The following C16orf78 variants were observed in gnomAD, a reference collection of about 807,000 sequenced individuals.
C16orf78 encodes the protein chromosome 16 open reading frame 78, also known as uncharacterized protein C16orf78.
Under a neutral mutation model 27.3 loss-of-function variants are expected in C16orf78, and 19 were observed. The observed-to-expected ratio is 0.70, with a 90% CI of 0.49 to 1.02. C16orf78 has a LOEUF of 1.02. Among genes scored for constraint, C16orf78 ranks in the 50% least tolerant of loss-of-function variants. The probability of loss-of-function intolerance (pLI) is 0.00; values close to 1 mark genes in which losing one functional copy is unlikely to be tolerated. For missense variants in C16orf78, 339 were observed against 337.0 expected (o/e 1.01, Z -0.05); for synonymous variants, 130 against 116.1 (o/e 1.12, Z -0.77).
chr16:49,396,736 C>T, intron 4 of C16orf78, 58 bp downstream of exon 4: 1 of 1,561,436 alleles, frequency 6.4e-7, no homozygotes, highest in South Asian at 1.2e-5. Context: ...GCTTTGCTCA[C>T]TCTTGTCCCT....
At chr16:49,396,748 G>T in intron 4 of C16orf78, 70 bp downstream of exon 4, 1 of 1,538,576 alleles carries the variant, frequency 6.5e-7, no homozygotes, top group Non-Finnish European at 8.7e-7. Flanking sequence ...CTTGTCCCTG[G>T]CTCAAACACC....
At chr16:49,386,451 T>C (rs1965352375) in intron 3 of C16orf78, among the ~76,000 whole-genome samples, 4 of 151,342 alleles carry the variant, frequency 2.6e-5, no homozygotes, top group Non-Finnish European at 4.4e-5. Flanking sequence ...CCACAAGTCA[T>C]TTTTTTTTAA....
intron 3 of C16orf78, among the ~76,000 whole-genome samples, chr16:49,390,510 A>C (rs1458193942): frequency 1.3e-5 from 2 of 152,126 alleles, no homozygotes; most frequent in Non-Finnish European, 2.9e-5. Context: ...TGTTAATCCC[A>C]TCCAATATAA....
Position 49,392,043 on chromosome 16 carries a change from C to A in C16orf78, c.395-4380C>A, listed in dbSNP as rs141534201. On this transcript the variant is annotated intron_variant, in intron 3 of 4. Coordinates refer to ENST00000299191, the MANE Select transcript of C16orf78 (RefSeq NM_144602.4). The stretch of plus-strand genomic sequence containing the variant: ...ACACCTTGGGCAGGTCACACCCACA[C>A]CTCAGGCCACTGTCTCTGCATTTAT... 5.3e-3 allele frequency among the ~76,000 whole-genome samples: 803 copies of A among 152,320 alleles called. 5 individuals are homozygous for A. The highest frequency in any genetic ancestry group is 0.01 in the Admixed American group (159 of 15,306).
chr16:49,378,574 G>T lies in C16orf78; in HGVS notation c.375G>T (p.Lys125Asn). The T allele has an allele frequency of 6.2e-7, 1 of 1,613,944 alleles. No individual in the cohort carries two copies. The highest frequency in any genetic ancestry group is 8.5e-7 in the Non-Finnish European group (1 of 1,179,938). ...GCATGGTCCCTGGCAGCTACATCAA[G>T]GATGGCCCCAAGAAATCTGGTAAGG... ...HLSMVPGSYI[K>N]DGPKKSDTDI... Residue 125 changes from lysine to asparagine, a missense_variant, in exon 3 of 5, where the codon AAG (lysine) becomes AAT (asparagine). Lys to Asn is a moderately conservative substitution (Grantham distance 94, BLOSUM62 0). Coordinates refer to ENST00000299191, the MANE Select transcript of C16orf78 (RefSeq NM_144602.4).
chr16:49,395,620 C>T (rs1965461613), intron 3 of C16orf78, among the ~76,000 whole-genome samples: 1 of 152,238 alleles, frequency 6.6e-6, no homozygotes, highest in Non-Finnish European at 1.5e-5. Flanking sequence ...ATTTGGGTCA[C>T]ATCAGACACT....
At chr16:49,392,719 G>A (rs928304559) in intron 3 of C16orf78, among the ~76,000 whole-genome samples, 2 of 152,156 alleles carry the variant, frequency 1.3e-5, no homozygotes, top group Admixed American at 6.5e-5. Flanking sequence ...TAGGTTCTAG[G>A]AGTACATGTG....
intron 3 of C16orf78, among the ~76,000 whole-genome samples, chr16:49,394,121 A>C (rs1195233219): frequency 1.2e-4 from 18 of 152,116 alleles, no homozygotes; most frequent in Admixed American, 3.3e-4. Flanking sequence ...GGTTTCATGC[A>C]AGGTTTTAAC....
chr16:49,377,594 C>T, intron 1 of C16orf78, 137 bp from the exon 2 acceptor site: 1 of 1,127,524 alleles, frequency 8.9e-7, no homozygotes, highest in Non-Finnish European at 1.2e-6. Context: ...ACAGTGACGA[C>T]AGGCCCTAGA....
Position 49,385,809 on chromosome 16 carries a change from G to T in C16orf78, c.394+7216G>T, listed in dbSNP as rs1174951326. On this transcript the variant is annotated intron_variant, in intron 3 of 4. Transcript: ENST00000299191. The stretch of plus-strand genomic sequence containing the variant: ...ATCAAGAGAGAAAAAAAGAAACAAA[G>T]AAACTACAAAGCAGTCAAAAAACAA... 2.6e-5 allele frequency among the ~76,000 whole-genome samples: 4 copies of T among 151,706 alleles called. No individual in the cohort carries two copies. In the South Asian group the frequency reaches 8.3e-4, roughly 32 times the overall value.
chr16:49,388,743 A>G (rs1567393219), intron 3 of C16orf78, among the ~76,000 whole-genome samples: 1 of 152,182 alleles, frequency 6.6e-6, no homozygotes, highest in African/African-American at 2.4e-5. Flanking sequence ...TAAACTCCTG[A>G]GCTCAAGCAA....
chr16:49,383,790 T>A (rs1437546227), intron 3 of C16orf78, among the ~76,000 whole-genome samples: 3 of 152,054 alleles, frequency 2.0e-5, no homozygotes, highest in African/African-American at 4.8e-5. Context: ...GCCATAAGTT[T>A]GAGAACAGCC....
chr16:49,387,908 T>C (rs1018778856), intron 3 of C16orf78, among the ~76,000 whole-genome samples: 2 of 152,196 alleles, frequency 1.3e-5, no homozygotes, highest in Non-Finnish European at 2.9e-5. Flanking sequence ...ATCTCCTTTG[T>C]AGTTTTTAAT....
At chr16:49,390,235 G>A (rs1398360411) in intron 3 of C16orf78, among the ~76,000 whole-genome samples, 1 of 152,140 alleles carries the variant, frequency 6.6e-6, no homozygotes. Context: ...TCTTGGGTTT[G>A]TATTTGGGGT....
chr16:49,378,197 C>T (rs966016606), intron 2 of C16orf78, among the ~76,000 whole-genome samples: 2 of 152,206 alleles, frequency 1.3e-5, no homozygotes, highest in African/African-American at 4.8e-5. Context: ...GGCAGAACCA[C>T]CCAGACCTAA....
At chr16:49,391,945 T>C (rs1254082059) in intron 3 of C16orf78, among the ~76,000 whole-genome samples, 1 of 152,152 alleles carries the variant, frequency 6.6e-6, no homozygotes, top group Non-Finnish European at 1.5e-5. Context: ...CTTATCACCC[T>C]GTCAAGGACC....
At chr16:49,374,223 T>C in intron 1 of C16orf78, 134 bp downstream of exon 1, 3 of 1,069,418 alleles carry the variant, frequency 2.8e-6, no homozygotes, top group Non-Finnish European at 4.0e-6. Context: ...TAGTGAGAAC[T>C]ACCCAAGGAC....
intron 1 of C16orf78, 152 bp from the exon 2 acceptor site, chr16:49,377,579 G>A: frequency 2.0e-6 from 2 of 1,015,262 alleles, no homozygotes; most frequent in Non-Finnish European, 2.8e-6. Context: ...TCTGGAAGCA[G>A]AGGAACAGTG....
At position 49,399,217 on chromosome 16, in the gene C16orf78, T is replaced by A. The variant is rs772101926; in HGVS notation, c.737T>A (p.Met246Lys). 12 of 1,614,052 alleles carry A rather than the reference T, an allele frequency of 7.4e-6. No homozygotes were observed. In the Admixed American group the frequency reaches 2.0e-4, roughly 27 times the overall value. ...AGMNVDIHPH[M>K]VEEDIDAKKV... ...ATGAATGTGGATATCCACCCCCACA[T>A]GGTCGAAGAGGACATAGATGCTAAA... is the stretch of plus-strand genomic sequence containing the variant. Residue 246 changes from methionine to lysine, a missense_variant, in exon 5 of 5, where the codon ATG becomes AAG. Transcript: ENST00000299191.
Sources: allele counts gnomAD v4.1 joint callset (sites outside exome capture counted in the v4.1 genomes callset), GRCh38; gene constraint gnomAD v4.1.1; transcripts MANE v1.5; gene names NCBI Gene and HGNC (gene_info 2026-07-23, HGNC 2026-07-21).